RIPOR3: variants seen among roughly 807,000 people sequenced by gnomAD.
The protein encoded by RIPOR3 is family with sequence similarity 65 member C.
A neutral mutation model predicts 114.3 loss-of-function variants in RIPOR3; 95 were observed. The ratio of observed to expected loss-of-function variants is 0.83; its 90% CI spans 0.70 to 0.99. The LOEUF is 0.99. RIPOR3 is among the 50% of genes least tolerant of loss of function. RIPOR3 has a pLI of 0.00. For missense variants in RIPOR3, 1,252 were observed against 1,266.9 expected (o/e 0.99, Z 0.18); for synonymous variants, 575 against 543.8 (o/e 1.06, Z -0.80).
intron 1 of RIPOR3, among the ~76,000 whole-genome samples, chr20:50,669,038 ACACGCATGCACATGCACACT>A (rs2086363760): frequency 6.6e-6 from 1 of 152,068 alleles, no homozygotes; most frequent in Admixed American, 6.5e-5. Flanking sequence ...ACATGCACAC[ACACGCATGCACATGCACACT>A]CACATATACA....
At position 50,655,467 on chromosome 20, in the gene RIPOR3, G is replaced by A. The variant is rs142234752; in HGVS notation, c.4-24611C>T. ...ATCCTAAGTGTATCAAGATGGGCGC[G>A]CTGACGACAGCTGCACCGAGTGAAT... is the stretch of plus-strand genomic sequence containing the variant. On this transcript the variant is annotated intron_variant, in intron 1 of 21. Transcript: ENST00000327979. 2.8e-4 allele frequency among the ~76,000 whole-genome samples: 42 copies of A among 152,332 alleles called. No homozygotes were observed. The East Asian group carries it at 5.2e-3, about 19-fold the overall frequency.
chr20:50,659,861 A>G (rs1402050239), intron 1 of RIPOR3: 5 of 152,014 alleles, frequency 3.3e-5, no homozygotes, highest in African/African-American at 9.7e-5. Context: ...CCTATCTCCA[A>G]TCAGGTGGAG....
intron 17 of RIPOR3, 107 bp from the exon 18 acceptor site, chr20:50,593,303 T>A: frequency 1.5e-6 from 2 of 1,301,568 alleles, no homozygotes; most frequent in Non-Finnish European, 2.1e-6. Flanking sequence ...CCGGGCGCAG[T>A]GGCTCGCACC....
chr20:50,619,948 A>C (rs753909490), intron 3 of RIPOR3, 38 bp downstream of exon 3: 1 of 1,592,944 alleles, frequency 6.3e-7, no homozygotes, highest in Admixed American at 1.7e-5. Flanking sequence ...GAGGTAGAGG[A>C]ATGCACTTCT....
rs2083643738 is a variant in RIPOR3 at position 50,604,777 on chromosome 20, G to A, written c.957-3C>T. 1 of 1,607,488 alleles carries A rather than the reference G, an allele frequency of 6.2e-7. No individual in the cohort carries two copies. The highest frequency in any genetic ancestry group is 8.5e-7 in the Non-Finnish European group (1 of 1,177,914). ...GGAAGCTCTCAGTATCAAACGGGCTGGAGGAGAGAACAGAAGGTCAGGATG... is the reference window on the plus strand; with the variant it reads ...GGAAGCTCTCAGTATCAAACGGGCTAGAGGAGAGAACAGAAGGTCAGGATG... On this transcript the variant is annotated splice_region_variant and splice_polypyrimidine_tract_variant and intron_variant, in intron 11 of 21. Transcript: ENST00000327979.
chr20:50,651,943 C>T (rs1230374691), intron 1 of RIPOR3, among the ~76,000 whole-genome samples: 1 of 152,190 alleles, frequency 6.6e-6, no homozygotes, highest in Non-Finnish European at 1.5e-5. Flanking sequence ...GTAGATGGTA[C>T]ATGTGTTATG....
At chr20:50,609,814 C>A in intron 6 of RIPOR3, 92 bp from the exon 7 acceptor site, 1 of 1,337,254 alleles carries the variant, frequency 7.5e-7, no homozygotes, top group Non-Finnish European at 9.6e-7. Context: ...AGAGGCCCTC[C>A]CTGAGCTAAG....
chr20:50,587,193 A>C lies in RIPOR3; in HGVS notation c.*39T>G, dbSNP rs781508356. On this transcript the variant is annotated 3_prime_UTR_variant, in exon 22 of 22. Coordinates refer to ENST00000327979, the MANE Select transcript of RIPOR3 (RefSeq NM_001290268.2). ...TATGTCCAGGCTGGGCAGCAGCAAA[A>C]AAAACGATGTGAGATTTGTGCTCAT... is the stretch of plus-strand genomic sequence containing the variant. 1 of 1,559,066 alleles carries C rather than the reference A, an allele frequency of 6.4e-7. No individual in the cohort carries two copies. Among genetic ancestry groups the C allele is most frequent in the African/African-American group, 1.4e-5 (1 of 73,770 alleles).
chr20:50,680,612 C>A (rs977506393), intron 1 of RIPOR3, among the ~76,000 whole-genome samples: 1 of 152,252 alleles, frequency 6.6e-6, no homozygotes, highest in African/African-American at 2.4e-5. Context: ...AATCTCACGC[C>A]GACCTGGCCA....
At chr20:50,608,363 C>G in intron 11 of RIPOR3, 26 bp downstream of exon 11, 2 of 1,613,152 alleles carry the variant, frequency 1.2e-6, no homozygotes, top group Non-Finnish European at 1.7e-6. Context: ...CAGGCCTCCG[C>G]TCTCCCCAGG....
intron 4 of RIPOR3, among the ~76,000 whole-genome samples, chr20:50,615,006 G>A (rs949964404): frequency 3.3e-5 from 5 of 152,178 alleles, no homozygotes; most frequent in Admixed American, 6.5e-5. Flanking sequence ...GCAGGGAGCC[G>A]ATATCACACC....
At chr20:50,608,338 CCAGGGG>C in intron 11 of RIPOR3, 45 bp downstream of exon 11, 1 of 1,608,600 alleles carries the variant, frequency 6.2e-7, no homozygotes, top group Non-Finnish European at 8.5e-7. Flanking sequence ...GGCCAGGCCA[CCAGGGG>C]CAGCCAGCCA....
intron 1 of RIPOR3, among the ~76,000 whole-genome samples, chr20:50,648,019 C>T (rs55972236): frequency 0.15 from 22,142 of 151,766 alleles, 2,272 homozygotes; most frequent in African/African-American, 0.29. Flanking sequence ...CTCATGCCTA[C>T]AATCCTAGCA....
intron 15 of RIPOR3, among the ~76,000 whole-genome samples, chr20:50,595,741 A>G (rs2083266019): frequency 6.6e-6 from 1 of 152,210 alleles, no homozygotes; most frequent in Admixed American, 6.5e-5. Context: ...AGTGAAGCCA[A>G]CCCACATTGC....
intron 2 of RIPOR3, among the ~76,000 whole-genome samples, chr20:50,626,229 C>G (rs558304387): frequency 6.6e-6 from 1 of 152,262 alleles, no homozygotes; most frequent in Non-Finnish European, 1.5e-5. Context: ...GCTTCCCCGT[C>G]GGTGTGGGCA....
intron 7 of RIPOR3, 51 bp from the exon 8 acceptor site, chr20:50,609,407 G>A: frequency 6.3e-7 from 1 of 1,596,882 alleles, no homozygotes; most frequent in Admixed American, 1.7e-5. Flanking sequence ...TAGGCCACGA[G>A]GGCCTCTAAC....
chr20:50,587,722 G>T, intron 21 of RIPOR3, 80 bp downstream of exon 21: 2 of 1,392,568 alleles, frequency 1.4e-6, no homozygotes, highest in Non-Finnish European at 1.0e-6. Flanking sequence ...CTGCCTGCTG[G>T]GAGAGCTGGG....
chr20:50,589,722 G>A lies in RIPOR3; in HGVS notation c.2625C>T (p.Leu875=). 6.2e-7 allele frequency: 1 copy of A among 1,613,922 alleles called. No homozygotes were observed. Among genetic ancestry groups the A allele is most frequent in the African/African-American group, 1.3e-5 (1 of 75,058 alleles). ...TNALAENDAR[L]QQAACLALKH... is the part of the protein sequence containing the mutation. ...TGAGCGCTAGGCATGCGGCCTGCTG[G>A]AGCCTTGCGTCGTTCTCTGCCAGGG... Residue 875 remains leucine, a synonymous_variant, in exon 20 of 22, where the codon CTC becomes CTT. Transcript: ENST00000327979.
chr20:50,668,855 T>C (rs2086351951), intron 1 of RIPOR3, among the ~76,000 whole-genome samples: 1 of 144,822 alleles, frequency 6.9e-6, no homozygotes, highest in Non-Finnish European at 1.5e-5. Flanking sequence ...AGACTCCATC[T>C]CAAAAAAAAA....
Sources: gnomAD v4.1 joint callset for allele counts (sites outside exome capture counted in the v4.1 genomes callset) on GRCh38, gnomAD v4.1.1 for gene constraint, MANE v1.5 for transcripts, NCBI Gene and HGNC (gene_info 2026-07-23, HGNC 2026-07-21) for gene names.